The following RIGI variants were observed in gnomAD, a reference collection of about 807,000 sequenced individuals.
The protein encoded by RIGI is RNA sensor RIG-I.
At chr9:32,514,466 A>C in the RIGI span, among the ~76,000 whole-genome samples, 1 of 152,194 alleles carries the variant, frequency 6.6e-6, no homozygotes. Flanking sequence ...TCAGCAAACT[A>C]ACACAGGAAC....
At chr9:32,460,645 G>T in the RIGI span, among the ~76,000 whole-genome samples, 3 of 152,088 alleles carry the variant, frequency 2.0e-5, no homozygotes, top group East Asian at 1.9e-4. Context: ...AGAACTGAAA[G>T]ATACAACCAA....
the RIGI span, among the ~76,000 whole-genome samples, chr9:32,522,713 C>T: frequency 5.9e-5 from 9 of 152,222 alleles, no homozygotes; most frequent in African/African-American, 1.2e-4. Flanking sequence ...TGGATGGCCA[C>T]GTGGTCACCC....
the RIGI span, among the ~76,000 whole-genome samples, chr9:32,482,187 TTGTG>T: frequency 1.8e-3 from 260 of 145,044 alleles, 2 homozygotes; most frequent in Middle Eastern, 7.1e-3. Flanking sequence ...GTGTGTTTGT[TTGTG>T]TGTGTGTGTG....
the RIGI span, among the ~76,000 whole-genome samples, chr9:32,464,936 G>T: frequency 6.6e-6 from 1 of 152,116 alleles, no homozygotes; most frequent in Non-Finnish European, 1.5e-5. Context: ...CCTTATCCTG[G>T]TGTGCTGGCT....
the RIGI span, among the ~76,000 whole-genome samples, chr9:32,476,757 A>G: frequency 6.6e-6 from 1 of 151,890 alleles, no homozygotes; most frequent in Non-Finnish European, 1.5e-5. Flanking sequence ...TAGCCTCCCA[A>G]GTAACTGGAA....
At chr9:32,498,122 C>T in the RIGI span, among the ~76,000 whole-genome samples, 142 of 152,290 alleles carry the variant, frequency 9.3e-4, no homozygotes, top group African/African-American at 3.4e-3. Flanking sequence ...ACCAACCAAC[C>T]AGCACTTCTT....
the RIGI span, among the ~76,000 whole-genome samples, chr9:32,482,645 G>A: frequency 6.6e-6 from 1 of 152,224 alleles, no homozygotes; most frequent in Non-Finnish European, 1.5e-5. Flanking sequence ...TGGATCACGA[G>A]GTCAAGAGAT....
At chr9:32,506,202 A>G in the RIGI span, among the ~76,000 whole-genome samples, 1 of 152,246 alleles carries the variant, frequency 6.6e-6, no homozygotes, top group Non-Finnish European at 1.5e-5. Flanking sequence ...TAGGCAACAG[A>G]GTGAGACTCT....
chr9:32,495,341 A>T, the RIGI span, among the ~76,000 whole-genome samples: 1 of 151,930 alleles, frequency 6.6e-6, no homozygotes, highest in Non-Finnish European at 1.5e-5. Context: ...AGCTGGGATT[A>T]CAGGCACCCG....
the RIGI span, among the ~76,000 whole-genome samples, chr9:32,490,416 C>T: frequency 1.3e-5 from 2 of 151,786 alleles, no homozygotes; most frequent in African/African-American, 2.4e-5. Context: ...CAAGAATCTT[C>T]ACGTGTCAGA....
chr9:32,512,597 A>T, the RIGI span, among the ~76,000 whole-genome samples: 8 of 152,184 alleles, frequency 5.3e-5, no homozygotes, highest in Non-Finnish European at 1.0e-4. Context: ...TTTATGACAA[A>T]CCCACAGCCA....
chr9:32,475,942 A>G, the RIGI span, among the ~76,000 whole-genome samples: 1 of 152,084 alleles, frequency 6.6e-6, no homozygotes, highest in Non-Finnish European at 1.5e-5. Flanking sequence ...CTTTTTTGTC[A>G]GACTATAAAA....
chr9:32,458,758 T>G, the RIGI span, among the ~76,000 whole-genome samples: 1 of 152,200 alleles, frequency 6.6e-6, no homozygotes, highest in South Asian at 2.1e-4. Flanking sequence ...ACAGCACATT[T>G]GTCAAAACCA....
chr9:32,460,137 C>T, the RIGI span, among the ~76,000 whole-genome samples: 1 of 152,198 alleles, frequency 6.6e-6, no homozygotes, highest in Admixed American at 6.5e-5. Context: ...TTGCTTCTTC[C>T]TCATTTTTCT....
the RIGI span, among the ~76,000 whole-genome samples, chr9:32,465,236 T>C: frequency 5.9e-5 from 9 of 152,372 alleles, no homozygotes; most frequent in African/African-American, 1.7e-4. Context: ...GAGGTGGTTC[T>C]AGATAACTTA....
At chr9:32,466,341 A>T in the RIGI span, 85 of 1,613,550 alleles carry the variant, frequency 5.3e-5, no homozygotes, top group Non-Finnish European at 6.8e-5. Flanking sequence ...AAATAGAGTC[A>T]TTCATCATTT....
the RIGI span, among the ~76,000 whole-genome samples, chr9:32,503,701 C>G: frequency 6.6e-6 from 1 of 152,292 alleles, no homozygotes; most frequent in South Asian, 2.1e-4. Context: ...TACTGCCCAC[C>G]TGGTGCCCCT....
the RIGI span, among the ~76,000 whole-genome samples, chr9:32,509,736 G>C: frequency 6.6e-6 from 1 of 152,052 alleles, no homozygotes; most frequent in Non-Finnish European, 1.5e-5. Context: ...CGGAGAATGA[G>C]TTTGACAAAT....
chr9:32,486,453 C>CAAAAAA, the RIGI span, among the ~76,000 whole-genome samples: 2 of 60,818 alleles, frequency 3.3e-5, no homozygotes, highest in African/African-American at 6.0e-5. Flanking sequence ...GACTCTGTCT[C>CAAAAAA]AAAAAAAAAA....
Sources: gnomAD v4.1 joint callset for allele counts (sites outside exome capture counted in the v4.1 genomes callset) on GRCh38, gnomAD v4.1.1 for gene constraint, MANE v1.5 for transcripts, NCBI Gene and HGNC (gene_info 2026-07-23, HGNC 2026-07-21) for gene names.